The following BLNK variants were observed in gnomAD, a reference collection of about 807,000 sequenced individuals.
BLNK encodes B cell linker.
A neutral mutation model predicts 73.5 loss-of-function variants in BLNK; 29 were observed. The observed-to-expected ratio is 0.39, with a 90% confidence interval of 0.29 to 0.54. The LOEUF is 0.54. Among genes scored for constraint, BLNK ranks in the 20% least tolerant of loss-of-function variants. The probability of loss-of-function intolerance (pLI) is 0.61; values close to 1 mark genes in which losing one functional copy is unlikely to be tolerated. For synonymous variants in BLNK, 176 were observed against 200.8 expected, an observed-to-expected ratio of 0.88 and a Z score of 1.04; for missense variants, 460 against 562.8, an observed-to-expected ratio of 0.82 and a Z score of 1.85.
intron 6 of BLNK, among the ~76,000 whole-genome samples, chr10:96,223,081 C>T (rs1469512318): frequency 1.3e-5 from 2 of 152,144 alleles, no homozygotes; most frequent in East Asian, 3.8e-4. Flanking sequence ...CTCAAGCATG[C>T]GCATTAAGAG....
chr10:96,210,551 G>A (rs1393823169), intron 8 of BLNK, among the ~76,000 whole-genome samples: 2 of 152,230 alleles, frequency 1.3e-5, no homozygotes, highest in Non-Finnish European at 2.9e-5. Context: ...GGGACCCGAA[G>A]GGTCTTGTCC....
chr10:96,222,682 G>C (rs2084225771), intron 6 of BLNK, among the ~76,000 whole-genome samples: 1 of 152,174 alleles, frequency 6.6e-6, no homozygotes, highest in Admixed American at 6.5e-5. Context: ...TCAAAGGGAA[G>C]TGAGGGATTA....
At chr10:96,247,163 C>T (rs1554907858) in intron 1 of BLNK, 114 bp from the exon 2 acceptor site, 1 of 691,074 alleles carries the variant, frequency 1.4e-6, no homozygotes, top group Non-Finnish European at 2.5e-6. Flanking sequence ...AAAACAACCT[C>T]CAAATAGGAT....
rs587748881 is a variant in BLNK, at chr10:96,197,638, A to G, written c.1096-575T>C. On this transcript the variant is annotated intron_variant, in intron 15 of 16. Transcript: ENST00000224337. ...CAAACAAATTCCATTCATAAGTACT[A>G]TAAGAAGAAAACAGAGGTTGGGAAT... 7.2e-5 allele frequency among the ~76,000 whole-genome samples: 11 copies of G among 152,332 alleles called. No homozygotes were observed. In the East Asian group the frequency reaches 1.7e-3, roughly 24 times the overall value.
intron 15 of BLNK, among the ~76,000 whole-genome samples, chr10:96,198,289 C>G (rs1305377911): frequency 2.0e-5 from 3 of 152,032 alleles, no homozygotes; most frequent in Admixed American, 6.6e-5. Context: ...AAAAAAGATC[C>G]AAAACGCATG....
chr10:96,219,098 T>C (rs1420428717), intron 6 of BLNK, among the ~76,000 whole-genome samples: 8 of 152,236 alleles, frequency 5.3e-5, no homozygotes, highest in African/African-American at 1.9e-4. Flanking sequence ...AACCTGGTCC[T>C]CATCTCTGCT....
At chr10:96,261,993 C>G (rs573839640) in intron 1 of BLNK, among the ~76,000 whole-genome samples, 1 of 152,312 alleles carries the variant, frequency 6.6e-6, no homozygotes, top group African/African-American at 2.4e-5. Flanking sequence ...CTACTCCAAG[C>G]ACCCTTGGTC....
chr10:96,197,343 T>G (rs978429659), intron 15 of BLNK, among the ~76,000 whole-genome samples: 9 of 152,164 alleles, frequency 5.9e-5, no homozygotes, highest in Non-Finnish European at 1.2e-4. Flanking sequence ...CTCACTTTGT[T>G]GCCCAGGCTG....
At chr10:96,197,207 C>A in intron 15 of BLNK, 144 bp from the exon 16 acceptor site, 1 of 622,182 alleles carries the variant, frequency 1.6e-6, no homozygotes, top group Non-Finnish European at 2.6e-6. Flanking sequence ...TTGATTAGCG[C>A]TTGTCTTCTT....
At chr10:96,230,436 T>A (rs587618585) in intron 4 of BLNK, among the ~76,000 whole-genome samples, 102 of 152,292 alleles carry the variant, frequency 6.7e-4, no homozygotes, top group African/African-American at 2.4e-3. Flanking sequence ...CAGGCAGTGA[T>A]GGGCACTGGG....
rs1554907811 is a variant in BLNK, at chr10:96,247,029, T to A, written c.68A>T (p.His23Leu). The A allele has an allele frequency of 6.2e-7, 1 of 1,606,010 alleles. No homozygotes were observed. The highest frequency in any genetic ancestry group is 8.5e-7 in the Non-Finnish European group (1 of 1,176,072). ...QKLRQLQKMVHDIKNNEGGIM... is the reference protein window; with the variant it reads ...QKLRQLQKMVLDIKNNEGGIM... ...TCCACCTTCATTGTTTTTAATATCA[T>A]GGACCATCTTTTGAAGCTGCCTGTA... The change falls in exon 2 of 17, where the codon CAT becomes CTT. Residue 23 changes from histidine (H) to leucine (L), a missense_variant. His to Leu is a moderately conservative substitution (Grantham distance 99). Transcript: ENST00000224337.
chr10:96,197,086 C>T, intron 15 of BLNK, 23 bp from the exon 16 acceptor site: 2 of 1,588,906 alleles, frequency 1.3e-6, no homozygotes, highest in South Asian at 1.1e-5. Context: ...TTTTAAAAAA[C>T]ATAATTATGG....
intron 3 of BLNK, among the ~76,000 whole-genome samples, chr10:96,236,820 C>T (rs7912471): frequency 0.35 from 53,153 of 151,710 alleles, 11,148 homozygotes; most frequent in Admixed American, 0.46. Context: ...GGCGAGACCC[C>T]GTCTCAAAAA....
At chr10:96,246,159 T>G (rs1432286955) in intron 2 of BLNK, among the ~76,000 whole-genome samples, 1 of 143,808 alleles carries the variant, frequency 7.0e-6, no homozygotes, top group Non-Finnish European at 1.5e-5. Flanking sequence ...AGCTTAAGAG[T>G]TTTTGATGTA....
intron 1 of BLNK, among the ~76,000 whole-genome samples, chr10:96,265,667 A>G (rs575030126): frequency 4.9e-4 from 74 of 152,366 alleles, no homozygotes; most frequent in Non-Finnish European, 9.6e-4. Context: ...AAAGACCACA[A>G]CAATGGCAAA....
At chr10:96,258,772 C>G (rs1843624436) in intron 1 of BLNK, among the ~76,000 whole-genome samples, 1 of 152,174 alleles carries the variant, frequency 6.6e-6, no homozygotes, top group African/African-American at 2.4e-5. Flanking sequence ...TGAGCATGTA[C>G]TACGTGCTAG....
chr10:96,216,826 G>A (rs587696483), intron 6 of BLNK, 92 bp from the exon 7 acceptor site: 29 of 1,055,718 alleles, frequency 2.7e-5, no homozygotes, highest in Middle Eastern at 2.3e-4. Context: ...GCATTATTGA[G>A]ACGCAATTCA....
rs1554893135 is a variant in BLNK at position 96,190,518 on chromosome 10, T to G, written c.*1455A>C. ...TTATGGATTAGGACTTCAACATATCTTTTTGAGGGGACCACAGTTCAATCT... is the reference window on the plus strand; with the variant it reads ...TTATGGATTAGGACTTCAACATATCGTTTTGAGGGGACCACAGTTCAATCT... On this transcript the variant is annotated 3_prime_UTR_variant, in exon 17 of 17. Transcript: ENST00000224337. 1.3e-5 allele frequency among the ~76,000 whole-genome samples: 2 copies of G among 152,234 alleles called. No homozygotes were observed. The highest frequency in any genetic ancestry group is 4.8e-5 in the African/African-American group (2 of 41,466).
At chr10:96,226,244 A>G (rs1591327877) in intron 5 of BLNK, among the ~76,000 whole-genome samples, 1 of 152,218 alleles carries the variant, frequency 6.6e-6, no homozygotes, top group Non-Finnish European at 1.5e-5. Context: ...CTCTGGGAGT[A>G]TGTGCATCTT....
Sources: allele counts gnomAD v4.1 joint callset (sites outside exome capture counted in the v4.1 genomes callset), GRCh38; gene constraint gnomAD v4.1.1; transcripts MANE v1.5; gene names NCBI Gene and HGNC (gene_info 2026-07-23, HGNC 2026-07-21).